Variants in FRS2 observed in about 807,000 individuals in gnomAD.
The protein encoded by FRS2 is fibroblast growth factor receptor substrate 2, also known as FGFR signalling adaptor.
Under a neutral mutation model 43.9 loss-of-function variants are expected in FRS2, and 8 were observed. The ratio of observed to expected loss-of-function variants is 0.18; its 90% CI spans 0.11 to 0.33. FRS2 has a LOEUF of 0.33. Among genes scored for constraint, FRS2 ranks in the 10% least tolerant of loss-of-function variants. FRS2 has a pLI of 1.00. For synonymous variants in FRS2, 219 were observed against 220.3 expected, an observed-to-expected ratio of 0.99 and a Z score of 0.05; for missense variants, 534 against 627.6, an observed-to-expected ratio of 0.85 and a Z score of 1.59.
rs756943704 is a variant in FRS2, at chr12:69,574,845, G to A, written c.1417G>A (p.Val473Met). Residue 473 changes from valine (V) to methionine (M), a missense_variant, in exon 9 of 9, where the codon GTG becomes ATG. Around this residue, in one of 3 missense-constraint regions of FRS2, gnomAD observed 446 missense variants for 494.2 expected, o/e 0.90. Transcript: ENST00000549921. ...TPTRRTELYA[V>M]IDIERTAAMS... is the part of the protein sequence containing the mutation. Reference sequence around the variant, plus strand: ...TACCAGGCGCACAGAGCTGTATGCCGTGATAGACATCGAGAGAACTGCTGC... The same window carrying A: ...TACCAGGCGCACAGAGCTGTATGCCATGATAGACATCGAGAGAACTGCTGC... 2.7e-5 allele frequency: 44 copies of A among 1,613,848 alleles called. No homozygotes were observed. The highest frequency in any genetic ancestry group is 3.5e-5 in the Non-Finnish European group (41 of 1,179,830).
chr12:69,524,350 G>A (rs970660012), intron 1 of FRS2, among the ~76,000 whole-genome samples: 4 of 152,042 alleles, frequency 2.6e-5, no homozygotes, highest in Admixed American at 6.5e-5. Flanking sequence ...GATGTGAGGG[G>A]TTGCTGTGGG....
chr12:69,530,694 G>A (rs981007535), intron 1 of FRS2, among the ~76,000 whole-genome samples, 171 bp from the exon 2 acceptor site: 4 of 152,184 alleles, frequency 2.6e-5, no homozygotes, highest in Admixed American at 6.5e-5. Flanking sequence ...AGTGAGGCGT[G>A]ATGGTGCCAC....
rs762095539 is a variant in FRS2, at chr12:69,571,348, G to A, written c.326G>A (p.Ser109Asn). Residue 109 changes from serine to asparagine, a missense_variant, in exon 7 of 9, where the codon AGT (serine) becomes AAT (asparagine). By Grantham distance (46) the Ser-to-Asn change is conservative. Around this residue, in one of 3 missense-constraint regions of FRS2, gnomAD observed 446 missense variants for 494.2 expected, o/e 0.90. Transcript: ENST00000549921. ...TTGCAAGAGATTATGCAAAATAATA[G>A]TATAAATGTGGTGGAAGAGCCAGTT... ...NMLQEIMQNN[S>N]INVVEEPVVE... 4 of 1,609,262 alleles carry A rather than the reference G, an allele frequency of 2.5e-6. No homozygotes were observed. In the East Asian group the frequency reaches 8.9e-5, roughly 36 times the overall value.
intron 7 of FRS2, among the ~76,000 whole-genome samples, chr12:69,571,672 TAA>T (rs1880770882): frequency 6.6e-6 from 1 of 152,030 alleles, no homozygotes; most frequent in Non-Finnish European, 1.5e-5. Context: ...CCATCTTGGC[TAA>T]CACTGTGAAC....
intron 1 of FRS2, among the ~76,000 whole-genome samples, chr12:69,506,598 A>C (rs1357036095): frequency 6.6e-6 from 1 of 152,124 alleles, no homozygotes; most frequent in Non-Finnish European, 1.5e-5. Flanking sequence ...CTTTTATAGC[A>C]TTTGAAAGAT....
At chr12:69,538,066 T>G (rs1877481118) in intron 3 of FRS2, 1 of 152,450 alleles carries the variant, frequency 6.6e-6, no homozygotes, top group Non-Finnish European at 1.5e-5. Flanking sequence ...CTATATAGTC[T>G]GTCTCCCGCA....
At chr12:69,520,067 A>G (rs1374120097) in intron 1 of FRS2, among the ~76,000 whole-genome samples, 1 of 152,102 alleles carries the variant, frequency 6.6e-6, no homozygotes, top group African/African-American at 2.4e-5. Flanking sequence ...CCTTGCCAAC[A>G]CGTTATTTCT....
At chr12:69,545,755 CAAAA>C (rs60460901) in intron 3 of FRS2, among the ~76,000 whole-genome samples, 13,155 of 81,216 alleles carry the variant, frequency 0.16, 907 homozygotes, top group Middle Eastern at 0.29. Context: ...GACCCTGTCT[CAAAA>C]AAAAAAAAAA....
At chr12:69,536,101 CTTTTTTTTTTTTTT>C (rs71094720) in intron 3 of FRS2, among the ~76,000 whole-genome samples, 1 of 37,174 alleles carries the variant, frequency 2.7e-5, no homozygotes, top group Non-Finnish European at 5.3e-5. Flanking sequence ...TATTTTCATT[CTTTTTTTTTTTTTT>C]TTTTTTTTTT....
chr12:69,557,622 G>GCGCGCA (rs1555192556), intron 3 of FRS2, among the ~76,000 whole-genome samples: 2 of 140,720 alleles, frequency 1.4e-5, no homozygotes, highest in East Asian at 4.2e-4. Flanking sequence ...GTGTGTGTGC[G>GCGCGCA]CGCGCGCGCG....
chr12:69,514,588 T>C (rs1327971382), intron 1 of FRS2, among the ~76,000 whole-genome samples: 1 of 152,156 alleles, frequency 6.6e-6, no homozygotes, highest in African/African-American at 2.4e-5. Context: ...ATCCCAGCAC[T>C]TTAGGAGGCT....
At position 69,537,681 on chromosome 12, in the gene FRS2, T is replaced by C. The variant is rs561540831; in HGVS notation, c.-122+5625T>C. Reference sequence around the variant, plus strand: ...TTTTTTTCATTCCATCATTTTATTTTTTGTAATCCCACTTGGGATTCTTTG... The same window carrying C: ...TTTTTTTCATTCCATCATTTTATTTCTTGTAATCCCACTTGGGATTCTTTG... On this transcript the variant is annotated intron_variant, in intron 3 of 8. Coordinates refer to ENST00000549921, the MANE Select transcript of FRS2 (RefSeq NM_001278356.2). 7.2e-5 allele frequency among the ~76,000 whole-genome samples: 11 copies of C among 152,300 alleles called. No homozygotes were observed. The South Asian group carries it at 1.2e-3, about 17-fold the overall frequency.
At chr12:69,543,463 A>G (rs549459907) in intron 3 of FRS2, among the ~76,000 whole-genome samples, 1 of 152,306 alleles carries the variant, frequency 6.6e-6, no homozygotes, top group Non-Finnish European at 1.5e-5. Flanking sequence ...CTTTGTCACT[A>G]TGGAGTTTAC....
In FRS2 at chr12:69,568,555, G is replaced by GTCTC. The variant is rs752238344; in HGVS notation, c.-26-434_-26-431dup. 8.1e-5 allele frequency among the ~76,000 whole-genome samples: 12 copies of GTCTC among 148,610 alleles called. No homozygotes were observed. In the South Asian group the frequency reaches 8.5e-4, roughly 11 times the overall value. ...CCTGCCTGTCTCTGTGTCTCTGGCT[G>GTCTC]TCTCTCTCTCTCTCTCTCTGTCTCT... On this transcript the variant is annotated intron_variant, in intron 4 of 8. Transcript: ENST00000549921.
At chr12:69,569,158 A>G in intron 5 of FRS2, 62 bp downstream of exon 5, 1 of 906,156 alleles carries the variant, frequency 1.1e-6, no homozygotes, top group Non-Finnish European at 1.8e-6. Context: ...CTTTTATTTC[A>G]CTTAACATAT....
intron 1 of FRS2, among the ~76,000 whole-genome samples, chr12:69,520,813 C>T (rs978395755): frequency 6.6e-6 from 1 of 152,132 alleles, no homozygotes; most frequent in African/African-American, 2.4e-5. Context: ...GTTTGAGTTA[C>T]TGTAGCCCTG....
intron 3 of FRS2, among the ~76,000 whole-genome samples, chr12:69,538,241 TATATATAC>T (rs1877532622): frequency 2.8e-5 from 3 of 107,020 alleles, no homozygotes; most frequent in African/African-American, 1.3e-4. Flanking sequence ...AGATTATATA[TATATATAC>T]ATATATATAT....
intron 7 of FRS2, among the ~76,000 whole-genome samples, chr12:69,571,805 A>C (rs546051167): frequency 6.6e-6 from 1 of 152,224 alleles, no homozygotes; most frequent in Non-Finnish European, 1.5e-5. Context: ...TGGAGCTTGC[A>C]GTGAACTGAG....
At chr12:69,500,129 A>G (rs73140564) in intron 1 of FRS2, among the ~76,000 whole-genome samples, 95 of 152,344 alleles carry the variant, frequency 6.2e-4, no homozygotes, top group Non-Finnish European at 1.0e-3. Flanking sequence ...CAATGGCAAC[A>G]TTAAAATAAC....
Sources: allele counts gnomAD v4.1 joint callset (sites outside exome capture counted in the v4.1 genomes callset), GRCh38; gene constraint gnomAD v4.1.1; regional missense constraint gnomAD v4.1.1; transcripts MANE v1.5; gene names NCBI Gene and HGNC (gene_info 2026-07-23, HGNC 2026-07-21).